The following MPPED1 variants were observed in gnomAD, a reference collection of about 807,000 sequenced individuals.
MPPED1 encodes metallophosphoesterase domain-containing protein 1.
A neutral mutation model predicts 36.2 loss-of-function variants in MPPED1; 16 were observed. The ratio of observed to expected loss-of-function variants is 0.44; its 90% CI spans 0.30 to 0.67. MPPED1 has a LOEUF of 0.67. MPPED1 is among the 30% of genes least tolerant of loss of function. MPPED1 has a pLI of 0.10. For synonymous variants in MPPED1, 199 were observed against 191.3 expected, an observed-to-expected ratio of 1.04 and a Z score of -0.33; for missense variants, 307 against 453.4, an observed-to-expected ratio of 0.68 and a Z score of 2.93.
intron 3 of MPPED1, among the ~76,000 whole-genome samples, chr22:43,471,883 A>G (rs1454977458): frequency 6.6e-6 from 1 of 152,210 alleles, no homozygotes; most frequent in African/African-American, 2.4e-5. Context: ...TCTGATGTAC[A>G]AGAGGAGGGT....
intron 6 of MPPED1, 88 bp from the exon 7 acceptor site, chr22:43,505,400 TCAGCCCACAG>T: frequency 9.5e-7 from 1 of 1,051,192 alleles, no homozygotes; most frequent in South Asian, 1.5e-5. Context: ...CCAAACACAT[TCAGCCCACAG>T]GGGCTGAGTG....
intron 3 of MPPED1, among the ~76,000 whole-genome samples, chr22:43,446,409 G>T (rs1930348317): frequency 6.6e-6 from 1 of 152,174 alleles, no homozygotes; most frequent in Admixed American, 6.5e-5. Context: ...GGGGTGTTCA[G>T]GCTGAGGGGA....
At chr22:43,449,991 C>T (rs1440347319) in intron 3 of MPPED1, among the ~76,000 whole-genome samples, 2 of 152,134 alleles carry the variant, frequency 1.3e-5, no homozygotes, top group South Asian at 2.1e-4. Flanking sequence ...CGGGCCCAGC[C>T]GGGTGGCGGT....
intron 4 of MPPED1, among the ~76,000 whole-genome samples, chr22:43,483,991 G>A (rs1263079700): frequency 6.6e-6 from 1 of 152,248 alleles, no homozygotes; most frequent in African/African-American, 2.4e-5. Flanking sequence ...CAAGGATGGA[G>A]GGCGAGTCCA....
At chr22:43,431,065 A>G (rs1929668186) in intron 2 of MPPED1, among the ~76,000 whole-genome samples, 1 of 97,640 alleles carries the variant, frequency 1.0e-5, no homozygotes, top group East Asian at 2.9e-4. Flanking sequence ...TTTTTTAGAC[A>G]GAGTCTCACT....
intron 3 of MPPED1, among the ~76,000 whole-genome samples, chr22:43,457,126 G>A (rs1039210171): frequency 6.6e-6 from 1 of 152,214 alleles, no homozygotes; most frequent in Non-Finnish European, 1.5e-5. Flanking sequence ...CTCCTAGACT[G>A]AGCTGGAAAG....
chr22:43,485,600 C>T (rs910387606), intron 4 of MPPED1, among the ~76,000 whole-genome samples: 3 of 152,170 alleles, frequency 2.0e-5, no homozygotes, highest in African/African-American at 7.2e-5. Flanking sequence ...CTATCTTCAT[C>T]TTCCGTTCAC....
chr22:43,488,099 G>T (rs76073460), intron 4 of MPPED1, among the ~76,000 whole-genome samples: 2,962 of 152,254 alleles, frequency 0.019, 51 homozygotes, highest in South Asian at 0.042. Context: ...TTGGGGGGGT[G>T]TGAGGATTGA....
At chr22:43,431,021 AT>A (rs135076) in intron 2 of MPPED1, among the ~76,000 whole-genome samples, 6 of 42,304 alleles carry the variant, frequency 1.4e-4, no homozygotes, top group Admixed American at 4.3e-4. Context: ...GTTGTTGTTA[AT>A]TTTTTTTTTT....
At chr22:43,466,726 C>G (rs1006692014) in intron 3 of MPPED1, among the ~76,000 whole-genome samples, 4 of 152,178 alleles carry the variant, frequency 2.6e-5, no homozygotes, top group Admixed American at 2.0e-4. Context: ...CAGTGCCAGA[C>G]AGTTAGGGAC....
intron 3 of MPPED1, among the ~76,000 whole-genome samples, chr22:43,459,735 T>C (rs971386439): frequency 6.6e-6 from 1 of 152,252 alleles, no homozygotes; most frequent in Admixed American, 6.5e-5. Context: ...CATAATGTTC[T>C]TGAATTCTTT....
intron 4 of MPPED1, among the ~76,000 whole-genome samples, chr22:43,482,428 G>A (rs760244080): frequency 6.6e-6 from 1 of 152,160 alleles, no homozygotes; most frequent in Non-Finnish European, 1.5e-5. Context: ...TCAAGGCCAG[G>A]CAGTGGTGCC....
At chr22:43,458,584 T>G (rs1489544559) in intron 3 of MPPED1, among the ~76,000 whole-genome samples, 1 of 152,118 alleles carries the variant, frequency 6.6e-6, no homozygotes, top group Admixed American at 6.6e-5. Context: ...GCGCCTGGCC[T>G]GTACTGTCTT....
In MPPED1 at chr22:43,446,214, T is replaced by C. The variant is rs149178111; in HGVS notation, c.406+10999T>C. 1.9e-3 allele frequency among the ~76,000 whole-genome samples: 297 copies of C among 152,328 alleles called. 1 individual carries two copies. Among genetic ancestry groups the C allele is most frequent in the African/African-American group, 7.0e-3 (291 of 41,560 alleles). On this transcript the variant is annotated intron_variant, in intron 3 of 6. Coordinates refer to ENST00000443721, the MANE Select transcript of MPPED1 (RefSeq NM_001044370.2). ...CATTTTTAACTCTGCCTCAAACTAG[T>C]CATAGTTATTAGTATTTGTTTTCCA...
chr22:43,495,413 G>C (rs1324238922), intron 4 of MPPED1, among the ~76,000 whole-genome samples: 1 of 151,410 alleles, frequency 6.6e-6, no homozygotes, highest in African/African-American at 2.4e-5. Context: ...GGTGATGGAG[G>C]TGGTGGTGGT....
chr22:43,413,935 T>C (rs1928992399), intron 1 of MPPED1, among the ~76,000 whole-genome samples: 1 of 152,330 alleles, frequency 6.6e-6, no homozygotes, highest in South Asian at 2.1e-4. Context: ...ATGAGGTCCC[T>C]GTACTGGTGA....
At chr22:43,487,874 C>A (rs757671614) in intron 4 of MPPED1, among the ~76,000 whole-genome samples, 39 of 152,090 alleles carry the variant, frequency 2.6e-4, no homozygotes, top group Non-Finnish European at 4.3e-4. Context: ...GACGTGACAG[C>A]GACTGCTTAA....
intron 3 of MPPED1, among the ~76,000 whole-genome samples, chr22:43,447,577 C>T (rs1262596234): frequency 6.6e-6 from 1 of 151,738 alleles, no homozygotes; most frequent in African/African-American, 2.4e-5. Flanking sequence ...AGAATACGAT[C>T]GCCACTTAGA....
At chr22:43,428,880 C>T (rs906265744) in intron 2 of MPPED1, among the ~76,000 whole-genome samples, 4 of 152,006 alleles carry the variant, frequency 2.6e-5, no homozygotes, top group African/African-American at 7.2e-5. Context: ...GGTGGGTAGG[C>T]GGACCACTGG....
Sources: gnomAD v4.1 joint callset for allele counts (sites outside exome capture counted in the v4.1 genomes callset) on GRCh38, gnomAD v4.1.1 for gene constraint, MANE v1.5 for transcripts, NCBI Gene and HGNC (gene_info 2026-07-23, HGNC 2026-07-21) for gene names.